Variants in TMC5 observed in about 807,000 individuals in gnomAD.
TMC5 encodes the protein transmembrane channel-like protein 5.
Under a neutral mutation model 110.5 loss-of-function variants are expected in TMC5, and 86 were observed. The ratio of observed to expected loss-of-function variants is 0.78; its 90% CI spans 0.65 to 0.93. The LOEUF (loss-of-function observed/expected upper bound fraction) is 0.93, where lower values mean the gene tolerates loss of function less well. Among genes scored for constraint, TMC5 ranks in the 40% least tolerant of loss-of-function variants. TMC5 has a pLI of 0.00. For synonymous variants in TMC5, 455 were observed against 439.5 expected (o/e 1.04, Z -0.44); for missense variants, 1,144 against 1,222.8 (o/e 0.94, Z 0.96).
rs756743579 is a variant in TMC5 at position 19,477,466 on chromosome 16, T to C, written c.2117T>C (p.Ile706Thr). 6 of 1,612,932 alleles carry C rather than the reference T, an allele frequency of 3.7e-6. No homozygotes were observed. The highest frequency in any genetic ancestry group is 2.5e-6 in the Non-Finnish European group (3 of 1,179,332). Reference protein sequence around the residue: ...IRNIFLKISIIGILCYYWLNT... With the variant: ...IRNIFLKISITGILCYYWLNT... ...AACATCTTTTTGAAAATATCAATCATTGGCATTCTTTGTTACTATTGGCTC... is the reference window on the plus strand; with the variant it reads ...AACATCTTTTTGAAAATATCAATCACTGGCATTCTTTGTTACTATTGGCTC... Residue 706 changes from isoleucine (I) to threonine (T), a missense_variant, in exon 13 of 22, where the codon ATT becomes ACT. Coordinates refer to ENST00000542583, the MANE Select transcript of TMC5 (RefSeq NM_001261841.2).
Position 19,487,390 on chromosome 16 carries a change from G to A in TMC5, c.2573+64G>A, listed in dbSNP as rs901859519. 1.1e-5 allele frequency: 17 copies of A among 1,552,810 alleles called. No individual in the cohort carries two copies. The South Asian group carries it at 1.4e-4, about 12-fold the overall frequency. ...GGTGGATGGGTGTGTGTTTTAAAAC[G>A]TAGGTTTTATTATAATTCAGGTGTG... On this transcript the variant is annotated intron_variant, in intron 17 of 21. Coordinates refer to ENST00000542583, the MANE Select transcript of TMC5 (RefSeq NM_001261841.2).
rs563078930 is a variant in TMC5, at chr16:19,446,875, T to C, written c.958+2625T>C. Among the ~76,000 whole-genome samples, 373 of 152,302 alleles carry C rather than the reference T, an allele frequency of 2.4e-3. 1 individual carries two copies. Among genetic ancestry groups the C allele is most frequent in the African/African-American group, 8.8e-3 (365 of 41,586 alleles). ...GTTTGCAGCCCTTGGCAATCACTTG[T>C]CCAGTGTCACCCCATCCTGATAAAG... On this transcript the variant is annotated intron_variant, in intron 4 of 21. Coordinates refer to ENST00000542583, the MANE Select transcript of TMC5 (RefSeq NM_001261841.2).
At position 19,440,122 on chromosome 16, in the gene TMC5, G is replaced by A. The variant is rs1354363953; in HGVS notation, c.84G>A (p.Gly28=). The change falls in exon 3 of 22, where the codon GGG becomes GGA. Residue 28 remains glycine (G), a synonymous_variant. Coordinates refer to ENST00000542583, the MANE Select transcript of TMC5 (RefSeq NM_001261841.2). The part of the protein sequence containing the change: ...DYSGSQNRTQ[G]YLKTQGYPDV... ...CAGGGTCTCAGAACCGTACGCAGGG[G>A]TATTTGAAAACTCAAGGTTATCCAG... is the stretch of plus-strand genomic sequence containing the variant. 3 of 1,614,092 alleles carry A rather than the reference G, an allele frequency of 1.9e-6. No homozygotes were observed. The African/African-American group carries it at 4.0e-5, about 22-fold the overall frequency.
intron 5 of TMC5, 149 bp from the exon 6 acceptor site, chr16:19,460,086 T>G: frequency 3.8e-6 from 2 of 520,316 alleles, no homozygotes; most frequent in South Asian, 3.0e-5. Context: ...TATATGTGTT[T>G]TTTTTGTTGT....
In TMC5 at chr16:19,488,413, C is replaced by A. The variant is rs1968805898; in HGVS notation, c.2573+1087C>A. ...CAGAATGGGGAGATGCCCCCCCACC[C>A]CGTTCCTCCACATCCAGAACAGAAC... On this transcript the variant is annotated intron_variant, in intron 17 of 21. Transcript: ENST00000542583. Among the ~76,000 whole-genome samples, 3 of 152,110 alleles carry A rather than the reference C, an allele frequency of 2.0e-5. No individual in the cohort carries two copies. In the South Asian group the frequency reaches 6.2e-4, roughly 32 times the overall value.
rs1968860863 is a variant in TMC5 at position 19,490,538 on chromosome 16, A to G, written c.2717A>G (p.His906Arg). The G allele has an allele frequency of 3.1e-6, 5 of 1,613,898 alleles. No homozygotes were observed. In the South Asian group the frequency reaches 5.5e-5, roughly 18 times the overall value. The change falls in exon 18 of 22, where the codon CAC becomes CGC. Residue 906 changes from histidine to arginine, a missense_variant. His to Arg is a conservative substitution (Grantham distance 29). Coordinates refer to ENST00000542583, the MANE Select transcript of TMC5 (RefSeq NM_001261841.2). ...TATCGGAACCTCATTGGAAGTGTGC[A>G]CTTCTTTTTCATCCTCACCCTCATT... ...WIYRNLIGSV[H>R]FFFILTLIVL...
At chr16:19,474,816 C>T (rs897605186) in intron 12 of TMC5, 3 of 153,162 alleles carry the variant, frequency 2.0e-5, no homozygotes, top group African/African-American at 7.2e-5. Context: ...AGTGCACGCA[C>T]AAAGGCTCCT....
At chr16:19,471,993 T>G in intron 10 of TMC5, 95 bp from the exon 11 acceptor site, 2 of 1,300,560 alleles carry the variant, frequency 1.5e-6, no homozygotes, top group Non-Finnish European at 2.1e-6. Context: ...ACTCCTGACC[T>G]CAAGTGATCC....
intron 20 of TMC5, among the ~76,000 whole-genome samples, chr16:19,494,719 AT>A (rs1157897204): frequency 2.0e-5 from 3 of 152,048 alleles, no homozygotes; most frequent in Admixed American, 2.0e-4. Context: ...AGGCAGAAGA[AT>A]TGCTTGAACC....
chr16:19,418,727 GT>G (rs57232416), intron 1 of TMC5, among the ~76,000 whole-genome samples: 83,005 of 118,654 alleles, frequency 0.7, 27,842 homozygotes, highest in Middle Eastern at 0.8. Flanking sequence ...TGATTTTTGT[GT>G]TTTTTTTTTT....
chr16:19,461,573 C>T lies in TMC5; in HGVS notation c.1148+1239C>T, dbSNP rs753703156. Among the ~76,000 whole-genome samples the T allele has an allele frequency of 6.8e-5, 10 of 146,226 alleles. No homozygotes were observed. In the East Asian group the frequency reaches 1.2e-3, roughly 17 times the overall value. On this transcript the variant is annotated intron_variant, in intron 6 of 21. Transcript: ENST00000542583. ...TGGGTGACAGAGCAAGACTCTGTAT[C>T]GGAAAAAAAAATAAACTAAAATAAA...
rs1412472732 is a variant in TMC5, at chr16:19,449,604, G to A, written c.1021G>A (p.Glu341Lys). 6.2e-7 allele frequency: 1 copy of A among 1,614,030 alleles called. No individual in the cohort carries two copies. The highest frequency in any genetic ancestry group is 2.2e-5 in the East Asian group (1 of 44,898). Residue 341 changes from glutamate (E) to lysine (K), a missense_variant, in exon 5 of 22, where the codon GAA becomes AAA. Coordinates refer to ENST00000542583, the MANE Select transcript of TMC5 (RefSeq NM_001261841.2). ...VHAYGNPPLS[E>K]CDWHKSPQGQ... is the part of the protein sequence containing the mutation. Reference sequence around the variant, plus strand: ...TGCTTATGGAAACCCACCATTGTCTGAATGTGATTGGCACAAGTCACCCCA... The same window carrying A: ...TGCTTATGGAAACCCACCATTGTCTAAATGTGATTGGCACAAGTCACCCCA...
At chr16:19,459,281 C>A (rs1967960518) in intron 5 of TMC5, among the ~76,000 whole-genome samples, 1 of 152,064 alleles carries the variant, frequency 6.6e-6, no homozygotes, top group Non-Finnish European at 1.5e-5. Context: ...TTCCTAAACA[C>A]AATTGGAATT....
chr16:19,440,965 A>G, intron 3 of TMC5, 139 bp downstream of exon 3: 1 of 841,066 alleles, frequency 1.2e-6, no homozygotes, highest in Non-Finnish European at 1.8e-6. Flanking sequence ...TGAAATGCGC[A>G]TACCTATCTG....
At position 19,469,780 on chromosome 16, in the gene TMC5, A is replaced by G. The variant is rs143734445; in HGVS notation, c.1737A>G (p.Glu579=). The G allele has an allele frequency of 6.8e-5, 109 of 1,614,112 alleles. No individual in the cohort carries two copies. Among genetic ancestry groups the G allele is most frequent in the Non-Finnish European group, 8.1e-5 (95 of 1,180,036 alleles). The stretch of plus-strand genomic sequence containing the variant: ...GCTGGGACTTCACTGTCACTCATGA[A>G]AAAGCTGTGAAGCTAAAACAGAAGA... ...IFCWDFTVTH[E]KAVKLKQKNL... Residue 579 remains glutamate, a synonymous_variant, in exon 10 of 22, where the codon GAA becomes GAG. Transcript: ENST00000542583.
chr16:19,472,623 C>T (rs768559594), intron 11 of TMC5, among the ~76,000 whole-genome samples: 2 of 152,220 alleles, frequency 1.3e-5, no homozygotes, highest in Non-Finnish European at 1.5e-5. Context: ...TGTCGTTTCA[C>T]AGCCCTGGGG....
intron 4 of TMC5, 91 bp from the exon 5 acceptor site, chr16:19,449,451 G>C: frequency 9.2e-7 from 1 of 1,084,760 alleles, no homozygotes; most frequent in Non-Finnish European, 1.4e-6. Context: ...TAGCCGTTAC[G>C]AACCACTATT....
intron 6 of TMC5, chr16:19,462,707 C>T: frequency 7.7e-6 from 4 of 519,444 alleles, no homozygotes; most frequent in Non-Finnish European, 1.4e-5. Flanking sequence ...CAAGACCAGC[C>T]TGGCCAACAT....
chr16:19,444,317 A>G (rs771472925), intron 4 of TMC5, 67 bp downstream of exon 4: 13 of 1,431,980 alleles, frequency 9.1e-6, no homozygotes, highest in South Asian at 3.8e-5. Context: ...TAGGGGTGCA[A>G]TCATTAAGGA....
Sources: allele counts gnomAD v4.1 joint callset (sites outside exome capture counted in the v4.1 genomes callset), GRCh38; gene constraint gnomAD v4.1.1; transcripts MANE v1.5; gene names NCBI Gene and HGNC (gene_info 2026-07-23, HGNC 2026-07-21).